Variants in TSPAN3 observed in about 807,000 individuals in gnomAD.
The protein encoded by TSPAN3 is tetraspanin-3.
Under a neutral mutation model 31.1 loss-of-function variants are expected in TSPAN3, and 9 were observed. The observed-to-expected ratio is 0.29, with a 90% CI of 0.17 to 0.50. The LOEUF (loss-of-function observed/expected upper bound fraction) is 0.50, where lower values mean the gene tolerates loss of function less well. TSPAN3 is among the 20% of genes least tolerant of loss of function. The pLI, the probability that TSPAN3 is intolerant of heterozygous loss-of-function variation, is 0.98. For synonymous variants in TSPAN3, 129 were observed against 114.3 expected, an observed-to-expected ratio of 1.13 and a Z score of -0.82; for missense variants, 252 against 313.5, an observed-to-expected ratio of 0.80 and a Z score of 1.48.
intron 6 of TSPAN3, among the ~76,000 whole-genome samples, chr15:77,051,317 C>T (rs927382601): frequency 2.0e-5 from 3 of 152,000 alleles, no homozygotes; most frequent in African/African-American, 7.3e-5. Flanking sequence ...CACCTGAGGT[C>T]AGGAGTTCAA....
At chr15:77,068,488 T>C (rs1439068773) in intron 1 of TSPAN3, among the ~76,000 whole-genome samples, 3 of 152,226 alleles carry the variant, frequency 2.0e-5, no homozygotes, top group Non-Finnish European at 4.4e-5. Flanking sequence ...AATATTTTGT[T>C]ACATGAACAA....
chr15:77,068,022 G>T (rs1433362999), intron 1 of TSPAN3: 3 of 152,148 alleles, frequency 2.0e-5, no homozygotes, highest in African/African-American at 7.2e-5. Flanking sequence ...CTGCTAGATG[G>T]GAAAGCTGTG....
intron 1 of TSPAN3, among the ~76,000 whole-genome samples, chr15:77,059,227 C>T (rs1246661502): frequency 1.3e-5 from 2 of 151,812 alleles, no homozygotes; most frequent in African/African-American, 4.8e-5. Flanking sequence ...GGATTACAGG[C>T]GCCCGCCACT....
chr15:77,051,620 C>G (rs945433359), intron 6 of TSPAN3, among the ~76,000 whole-genome samples: 12 of 150,208 alleles, frequency 8.0e-5, no homozygotes, highest in African/African-American at 2.9e-4. Flanking sequence ...GAGGCCAAGA[C>G]AGAGGATTGC....
chr15:77,050,862 G>A (rs2152695321), intron 6 of TSPAN3, among the ~76,000 whole-genome samples: 1 of 152,270 alleles, frequency 6.6e-6, no homozygotes, highest in Admixed American at 6.5e-5. Context: ...AAAGAGGTAG[G>A]CTTTTTAATG....
intron 6 of TSPAN3, among the ~76,000 whole-genome samples, chr15:77,048,897 C>T (rs911430801): frequency 2.6e-5 from 4 of 152,094 alleles, no homozygotes; most frequent in Non-Finnish European, 5.9e-5. Flanking sequence ...AATAGGCATT[C>T]TTATACAAAA....
chr15:77,053,936 G>T (rs1325914117), intron 4 of TSPAN3, among the ~76,000 whole-genome samples: 1 of 152,134 alleles, frequency 6.6e-6, no homozygotes, highest in Non-Finnish European at 1.5e-5. Context: ...TACTTTGGGA[G>T]AGTACAGACT....
chr15:77,069,432 C>T (rs182781175), intron 1 of TSPAN3, among the ~76,000 whole-genome samples: 76 of 152,162 alleles, frequency 5.0e-4, no homozygotes, highest in African/African-American at 1.7e-3. Flanking sequence ...TCACAATAAA[C>T]TCAAGAAACT....
intron 1 of TSPAN3, among the ~76,000 whole-genome samples, chr15:77,061,372 A>T (rs2076799665): frequency 6.6e-6 from 1 of 152,066 alleles, no homozygotes; most frequent in Non-Finnish European, 1.5e-5. Flanking sequence ...TACTAAAAAT[A>T]CAAAATTAGC....
intron 6 of TSPAN3, among the ~76,000 whole-genome samples, chr15:77,049,608 A>C (rs1457910013): frequency 6.6e-6 from 1 of 152,198 alleles, no homozygotes; most frequent in Non-Finnish European, 1.5e-5. Flanking sequence ...GGGTACATCA[A>C]AATTTTTAAA....
At chr15:77,060,830 TA>T (rs2076796191) in intron 1 of TSPAN3, among the ~76,000 whole-genome samples, 1 of 152,152 alleles carries the variant, frequency 6.6e-6, no homozygotes, top group Non-Finnish European at 1.5e-5. Flanking sequence ...GACAGTGTAC[TA>T]AAAATATTCA....
chr15:77,068,632 G>A (rs1443844799), intron 1 of TSPAN3, among the ~76,000 whole-genome samples: 1 of 152,176 alleles, frequency 6.6e-6, no homozygotes, highest in African/African-American at 2.4e-5. Context: ...CTTACTAGCT[G>A]ACAACGTGTT....
chr15:77,052,681 C>T (rs920255161), intron 5 of TSPAN3, 96 bp downstream of exon 5: 3 of 1,395,012 alleles, frequency 2.2e-6, no homozygotes, highest in African/African-American at 1.4e-5. Flanking sequence ...ACATTAAAGA[C>T]AAGCAAGGTG....
intron 6 of TSPAN3, among the ~76,000 whole-genome samples, chr15:77,049,117 ATTTGTT>A (rs1169245836): frequency 6.6e-6 from 1 of 152,162 alleles, no homozygotes; most frequent in Non-Finnish European, 1.5e-5. Context: ...AAATACACTA[ATTTGTT>A]TTTAAGAAGG....
At chr15:77,058,202 T>A (rs1158279751) in intron 1 of TSPAN3, among the ~76,000 whole-genome samples, 1 of 152,208 alleles carries the variant, frequency 6.6e-6, no homozygotes, top group African/African-American at 2.4e-5. Flanking sequence ...AGGGTTATAT[T>A]TATTAAAAAT....
At chr15:77,050,091 A>G (rs1162701442) in intron 6 of TSPAN3, among the ~76,000 whole-genome samples, 1 of 152,160 alleles carries the variant, frequency 6.6e-6, no homozygotes, top group Non-Finnish European at 1.5e-5. Flanking sequence ...CTAAATGTCT[A>G]TATTAGGATC....
In TSPAN3 at chr15:77,046,314, A is replaced by C. The variant is rs1028972883; in HGVS notation, c.*521T>G. 2.5e-6 allele frequency: 1 copy of C among 399,828 alleles called. No individual in the cohort carries two copies. The highest frequency in any genetic ancestry group is 3.6e-5 in the East Asian group (1 of 28,088). 24.8% of individuals were successfully genotyped at this position (399,828 alleles called of 1,614,324 possible). On this transcript the variant is annotated 3_prime_UTR_variant, in exon 7 of 7. Transcript: ENST00000267970. ...AAGATATACGCCATATGATCCTACA[A>C]TCTATTTTAGTCATTTTGTACAGCT...
intron 6 of TSPAN3, 63 bp from the exon 7 acceptor site, chr15:77,046,990 T>C: frequency 7.4e-7 from 1 of 1,351,938 alleles, no homozygotes; most frequent in Middle Eastern, 1.8e-4. Context: ...AGGTGTGTAT[T>C]TCTTTGTTGG....
intron 1 of TSPAN3, among the ~76,000 whole-genome samples, chr15:77,065,363 T>C (rs2076825889): frequency 6.6e-6 from 1 of 152,234 alleles, no homozygotes; most frequent in East Asian, 1.9e-4. Flanking sequence ...AATAGTAGTG[T>C]TATATTTAAC....
Sources: gnomAD v4.1 joint callset for allele counts (sites outside exome capture counted in the v4.1 genomes callset) on GRCh38, gnomAD v4.1.1 for gene constraint, MANE v1.5 for transcripts, NCBI Gene and HGNC (gene_info 2026-07-23, HGNC 2026-07-21) for gene names.